Variants in GRM7 observed in about 807,000 individuals in gnomAD.
GRM7 encodes metabotropic glutamate receptor 7.
A neutral mutation model predicts 84.5 loss-of-function variants in GRM7; 35 were observed. That is an observed-to-expected ratio of 0.41 (90% confidence interval 0.32 to 0.55). GRM7 has a LOEUF of 0.55. Among genes scored for constraint, GRM7 ranks in the 20% least tolerant of loss-of-function variants. GRM7 has a pLI of 0.19. For synonymous variants in GRM7, 487 were observed against 455.1 expected (o/e 1.07, Z -0.89); for missense variants, 1,003 against 1,194.6 (o/e 0.84, Z 2.36).
At chr3:7,491,911 T>C (rs1278362191) in intron 7 of GRM7, among the ~76,000 whole-genome samples, 2 of 152,286 alleles carry the variant, frequency 1.3e-5, no homozygotes, top group Non-Finnish European at 2.9e-5. Flanking sequence ...AGCAAGTCTC[T>C]TGCGTTGCCC....
At chr3:6,941,574 T>G (rs951762162) in intron 1 of GRM7, among the ~76,000 whole-genome samples, 3 of 152,188 alleles carry the variant, frequency 2.0e-5, no homozygotes, top group African/African-American at 7.2e-5. Flanking sequence ...ATTCCACTAT[T>G]TGAAGGATTT....
intron 4 of GRM7, among the ~76,000 whole-genome samples, chr3:7,310,768 G>A (rs968067961): frequency 6.6e-6 from 1 of 152,126 alleles, no homozygotes; most frequent in Non-Finnish European, 1.5e-5. Flanking sequence ...TGAAAATATG[G>A]TTGAAAGCTT....
At chr3:7,471,622 A>G (rs1307825179) in intron 7 of GRM7, among the ~76,000 whole-genome samples, 2 of 152,092 alleles carry the variant, frequency 1.3e-5, no homozygotes, top group African/African-American at 2.4e-5. Flanking sequence ...TGAAAGGCCC[A>G]TATGATTGTA....
intron 9 of GRM7, among the ~76,000 whole-genome samples, chr3:7,718,267 A>G (rs1482927555): frequency 2.0e-5 from 3 of 152,192 alleles, no homozygotes; most frequent in Admixed American, 2.0e-4. Flanking sequence ...ACGCTCTTTC[A>G]TCAACCATGC....
intron 4 of GRM7, among the ~76,000 whole-genome samples, chr3:7,347,517 C>T (rs17047183): frequency 0.14 from 20,831 of 152,154 alleles, 1,851 homozygotes; most frequent in African/African-American, 0.25. Context: ...GTTTCTGTCA[C>T]AGGACCCGTG....
Position 7,250,451 on chromosome 3 carries a change from TTA to T in GRM7, c.737-48223_737-48222del, listed in dbSNP as rs1328042793. 1.7e-4 allele frequency among the ~76,000 whole-genome samples: 26 copies of T among 151,762 alleles called. 1 individual carries two copies. In the East Asian group the frequency reaches 3.7e-3, roughly 21 times the overall value. On this transcript the variant is annotated intron_variant, in intron 2 of 9. Transcript: ENST00000357716. Reference sequence around the variant, plus strand: ...TTTACCAACTAAACATTTATTGCTATTATATATATATGTGTGTGCCTATACAC... The same window carrying T: ...TTTACCAACTAAACATTTATTGCTATTATATATATGTGTGTGCCTATACAC...
At chr3:7,469,049 C>T (rs369041212) in intron 7 of GRM7, among the ~76,000 whole-genome samples, 61 of 152,260 alleles carry the variant, frequency 4.0e-4, no homozygotes, top group Middle Eastern at 3.4e-3. Flanking sequence ...AAGCACCAAG[C>T]GTAGTGCTGA....
intron 2 of GRM7, among the ~76,000 whole-genome samples, chr3:7,276,459 A>G (rs1699060675): frequency 2.0e-5 from 3 of 151,916 alleles, no homozygotes; most frequent in Admixed American, 2.0e-4. Flanking sequence ...TACCCCAGGA[A>G]CTCTGTAAGG....
chr3:7,095,301 T>C (rs1371023710), intron 1 of GRM7, among the ~76,000 whole-genome samples: 1 of 152,186 alleles, frequency 6.6e-6, no homozygotes, highest in Non-Finnish European at 1.5e-5. Context: ...GATTACTAAG[T>C]GGCTTGACTA....
In GRM7 at chr3:6,928,599, A is replaced by G. The variant is rs1420487402; in HGVS notation, c.519+66692A>G. 6.6e-6 allele frequency among the ~76,000 whole-genome samples: 1 copy of G among 152,192 alleles called. No homozygotes were observed. Among genetic ancestry groups the G allele is most frequent in the Non-Finnish European group, 1.5e-5 (1 of 68,038 alleles). ...AATAACATTTAGATAGGGGGAAAAT[A>G]AGTTTTTCTCAACTTTTTCATTATA... On this transcript the variant is annotated intron_variant, in intron 1 of 9. Transcript: ENST00000357716. This position sits in a 1 kb window ranked among gnomAD's most constrained non-coding sequence, Gnocchi z 4.5.
intron 7 of GRM7, among the ~76,000 whole-genome samples, chr3:7,478,630 A>G (rs2124933228): frequency 6.6e-6 from 1 of 152,236 alleles, no homozygotes; most frequent in Admixed American, 6.5e-5. Flanking sequence ...TGTCTTATTA[A>G]CCCATAAGTT....
intron 8 of GRM7, among the ~76,000 whole-genome samples, chr3:7,660,552 C>T (rs1434028791): frequency 6.6e-6 from 1 of 152,038 alleles, no homozygotes; most frequent in Non-Finnish European, 1.5e-5. Context: ...TTGGAAGATT[C>T]AATATTGTTA....
At chr3:7,029,661 A>T (rs1696119530) in intron 1 of GRM7, among the ~76,000 whole-genome samples, 1 of 152,232 alleles carries the variant, frequency 6.6e-6, no homozygotes, top group Non-Finnish European at 1.5e-5. Flanking sequence ...GGTCAAATTC[A>T]TAGTGACAGA....
chr3:6,861,997 C>A lies in GRM7; in HGVS notation c.519+90C>A. On this transcript the variant is annotated intron_variant, in intron 1 of 9. Coordinates refer to ENST00000357716, the MANE Select transcript of GRM7 (RefSeq NM_000844.4). The surrounding 1 kb of genome is among the most constrained non-coding windows in gnomAD (Gnocchi z 6.4). ...TGGCTTGGACTCCGGTGGTGCGGGT[C>A]AGGTCAGCCTTCGCTCATTTCCTCC... is the stretch of plus-strand genomic sequence containing the variant. 9.0e-7 allele frequency: 1 copy of A among 1,105,830 alleles called. No homozygotes were observed. Among genetic ancestry groups the A allele is most frequent in the Non-Finnish European group, 1.3e-6 (1 of 769,266 alleles). 68.5% of individuals were successfully genotyped at this position (1,105,830 alleles called of 1,614,324 possible).
intron 9 of GRM7, chr3:7,691,454 C>T (rs2125151075): frequency 3.5e-6 from 1 of 287,806 alleles, no homozygotes; most frequent in African/African-American, 2.2e-5. Context: ...TAAGCTTCAT[C>T]ACTTAATGGA....
chr3:7,351,286 A>G (rs1056884224), intron 4 of GRM7, among the ~76,000 whole-genome samples: 5 of 130,378 alleles, frequency 3.8e-5, no homozygotes, highest in Non-Finnish European at 7.7e-5. Flanking sequence ...CCCTCTCTCC[A>G]CTTTCAGGCT....
chr3:7,233,829 G>T (rs570954166), intron 2 of GRM7, among the ~76,000 whole-genome samples: 1 of 152,084 alleles, frequency 6.6e-6, no homozygotes, highest in Non-Finnish European at 1.5e-5. Flanking sequence ...CTGGAAAAGA[G>T]GACTGATCCT....
At chr3:7,395,792 T>C (rs712763) in intron 4 of GRM7, among the ~76,000 whole-genome samples, 122,437 of 152,128 alleles carry the variant, frequency 0.8, 49,957 homozygotes, top group African/African-American at 0.9. Flanking sequence ...ATAAATTACC[T>C]AGTCTCAGGT....
intron 4 of GRM7, among the ~76,000 whole-genome samples, chr3:7,398,526 T>C (rs1046850602): frequency 2.0e-5 from 3 of 152,038 alleles, no homozygotes; most frequent in Non-Finnish European, 4.4e-5. Context: ...GATACACATA[T>C]AGAGAAATTT....
Sources: gnomAD v4.1 joint callset for allele counts (sites outside exome capture counted in the v4.1 genomes callset) on GRCh38, gnomAD v4.1.1 for gene constraint, Gnocchi (gnomAD v3.1) non-coding constraint, MANE v1.5 for transcripts, NCBI Gene and HGNC (gene_info 2026-07-23, HGNC 2026-07-21) for gene names.